The following ITPR1 variants were observed in gnomAD, a reference collection of about 807,000 sequenced individuals.
The protein encoded by ITPR1 is inositol 1,4,5-trisphosphate receptor type 1, also known as inositol 1,4,5-trisphosphate-gated calcium channel ITPR1.
A neutral mutation model predicts 318.4 loss-of-function variants in ITPR1; 96 were observed. That is an observed-to-expected ratio of 0.30 (90% CI 0.26 to 0.36). The LOEUF (loss-of-function observed/expected upper bound fraction) is 0.36, where lower values mean the gene tolerates loss of function less well. Among genes scored for constraint, ITPR1 ranks in the 10% least tolerant of loss-of-function variants. ITPR1 has a pLI of 1.00. For missense variants in ITPR1, 2,440 were observed against 3,460.2 expected (o/e 0.71, Z 7.40); for synonymous variants, 1,312 against 1,289.9 (o/e 1.02, Z -0.37).
intron 4 of ITPR1, among the ~76,000 whole-genome samples, chr3:4,582,372 G>GTA (rs889980600): frequency 6.6e-5 from 10 of 152,234 alleles, no homozygotes; most frequent in African/African-American, 2.4e-4. Context: ...CCCAGCCTGA[G>GTA]TATGTTGAGG....
At chr3:4,582,717 T>C (rs1331408301) in intron 4 of ITPR1, among the ~76,000 whole-genome samples, 3 of 152,018 alleles carry the variant, frequency 2.0e-5, no homozygotes, top group Non-Finnish European at 4.4e-5. Context: ...GCTGTGAAAG[T>C]GTCTTACCAT....
At chr3:4,787,075 C>T (rs1302447121) in intron 51 of ITPR1, among the ~76,000 whole-genome samples, 1 of 152,068 alleles carries the variant, frequency 6.6e-6, no homozygotes, top group Non-Finnish European at 1.5e-5. Context: ...GTTGCACTAG[C>T]CACAGGTGTT....
chr3:4,552,357 T>A (rs2085653832), intron 4 of ITPR1, among the ~76,000 whole-genome samples: 1 of 152,234 alleles, frequency 6.6e-6, no homozygotes, highest in Admixed American at 6.5e-5. Context: ...TCTGACTGAC[T>A]GGCTTTAAGT....
chr3:4,766,791 C>G (rs539345387), intron 45 of ITPR1, 81 bp downstream of exon 45: 2 of 1,177,602 alleles, frequency 1.7e-6, no homozygotes, highest in East Asian at 2.5e-5. Context: ...TTCATTACTT[C>G]TGTGCTCTAA....
At chr3:4,720,069 C>T (rs565996455) in intron 40 of ITPR1, among the ~76,000 whole-genome samples, 1 of 152,246 alleles carries the variant, frequency 6.6e-6, no homozygotes, top group Non-Finnish European at 1.5e-5. Flanking sequence ...GTTCCCTCCT[C>T]TAGCCATTCT....
chr3:4,806,144 CTG>C lies in ITPR1; in HGVS notation c.7152_7153del (p.Cys2384TrpfsTer15). The C allele has an allele frequency of 6.2e-7, 1 of 1,613,908 alleles. No homozygotes were observed. Among genetic ancestry groups the C allele is most frequent in the Non-Finnish European group, 8.5e-7 (1 of 1,179,806 alleles). On this transcript the variant is annotated frameshift_variant, in exon 55 of 62. Coordinates refer to ENST00000649015, the MANE Select transcript of ITPR1 (RefSeq NM_001378452.1). LOFTEE classifies it high-confidence loss of function. ...IIFLMSFVGN[C>X]GTFTRGYRAM... ...TCTTTCTAATGAGCTTTGTGGGCAA[CTG>C]TGGGACATTCACAAGAGGCTACCGA...
chr3:4,538,414 G>T (rs2084079230), intron 4 of ITPR1, among the ~76,000 whole-genome samples: 2 of 152,216 alleles, frequency 1.3e-5, no homozygotes, highest in African/African-American at 4.8e-5. Context: ...TGGTGAGGTT[G>T]TAGAGAAATA....
At position 4,806,022 on chromosome 3, in the gene ITPR1, T is replaced by C. The variant is rs1355388237; in HGVS notation, c.7108-81T>C. On this transcript the variant is annotated intron_variant, in intron 54 of 61. Coordinates refer to ENST00000649015, the MANE Select transcript of ITPR1 (RefSeq NM_001378452.1). ...GTTTGGGCACGGTGACTGAAATACA[T>C]TTGTGTGAGATGCTCTCGTTGCTCT... 4 of 1,228,470 alleles carry C rather than the reference T, an allele frequency of 3.3e-6. No homozygotes were observed. In the East Asian group the frequency reaches 9.9e-5, roughly 30 times the overall value. The allele number at this position is 1,228,470 out of a possible 1,614,324, so 76.1% of individuals were successfully genotyped here.
chr3:4,734,274 T>G (rs1229127893), intron 43 of ITPR1, among the ~76,000 whole-genome samples: 1 of 152,196 alleles, frequency 6.6e-6, no homozygotes, highest in Non-Finnish European at 1.5e-5. Flanking sequence ...CATTTAACAA[T>G]TATGTGAAGC....
intron 7 of ITPR1, among the ~76,000 whole-genome samples, chr3:4,643,933 T>G (rs1257182189): frequency 6.6e-6 from 1 of 152,098 alleles, no homozygotes; most frequent in East Asian, 1.9e-4. Context: ...GGAACAACAT[T>G]CAGGCTTAGC....
At chr3:4,743,449 G>A (rs910732338) in intron 44 of ITPR1, among the ~76,000 whole-genome samples, 5 of 152,192 alleles carry the variant, frequency 3.3e-5, no homozygotes, top group African/African-American at 1.2e-4. Context: ...CAGACAGTAG[G>A]TAATGCATGC....
At chr3:4,560,801 C>T (rs767333527) in intron 4 of ITPR1, among the ~76,000 whole-genome samples, 11 of 152,134 alleles carry the variant, frequency 7.2e-5, no homozygotes, top group African/African-American at 1.2e-4. Context: ...GAGGTGACAG[C>T]GACTTATTAT....
chr3:4,668,913 C>G (rs905898663), intron 18 of ITPR1, among the ~76,000 whole-genome samples: 1 of 152,248 alleles, frequency 6.6e-6, no homozygotes, highest in African/African-American at 2.4e-5. Flanking sequence ...TCACACAGAT[C>G]TGCTCCTCTT....
At chr3:4,564,972 G>T (rs1575548612) in intron 4 of ITPR1, among the ~76,000 whole-genome samples, 1 of 152,158 alleles carries the variant, frequency 6.6e-6, no homozygotes, top group African/African-American at 2.4e-5. Context: ...TAAACTCATT[G>T]TCTCTCACAA....
intron 4 of ITPR1, among the ~76,000 whole-genome samples, chr3:4,530,773 TCAACAACAA>T (rs113306224): frequency 8.6e-5 from 13 of 151,018 alleles, no homozygotes; most frequent in African/African-American, 3.2e-4. Flanking sequence ...AGAGCAAGAC[TCAACAACAA>T]CAACAACAAC....
intron 8 of ITPR1, among the ~76,000 whole-genome samples, chr3:4,644,615 C>A (rs1271586734): frequency 6.6e-6 from 1 of 152,326 alleles, no homozygotes; most frequent in East Asian, 1.9e-4. Flanking sequence ...AACACTGCAG[C>A]TTATCAGCAG....
intron 31 of ITPR1, among the ~76,000 whole-genome samples, chr3:4,688,830 G>A (rs2094437529): frequency 1.3e-5 from 2 of 152,182 alleles, no homozygotes; most frequent in Admixed American, 1.3e-4. Flanking sequence ...GGGAAAAGGA[G>A]GAAAGTGAGA....
intron 60 of ITPR1, among the ~76,000 whole-genome samples, chr3:4,834,855 A>G (rs2050779976): frequency 6.6e-6 from 1 of 152,188 alleles, no homozygotes; most frequent in Non-Finnish European, 1.5e-5. Flanking sequence ...AATATAAGCT[A>G]ATGTTAAGAC....
chr3:4,590,146 C>T (rs890715692), intron 4 of ITPR1, among the ~76,000 whole-genome samples: 5 of 150,304 alleles, frequency 3.3e-5, no homozygotes, highest in Admixed American at 6.6e-5. Context: ...CTAGCTGCTT[C>T]CCCCCTTTGT....
Sources: gnomAD v4.1 joint callset for allele counts (sites outside exome capture counted in the v4.1 genomes callset) on GRCh38, gnomAD v4.1.1 for gene constraint, MANE v1.5 for transcripts, NCBI Gene and HGNC (gene_info 2026-07-23, HGNC 2026-07-21) for gene names.